The following NYAP2 variants were observed in gnomAD, a reference collection of about 807,000 sequenced individuals.
NYAP2 encodes the protein neuronal tyrosine-phosphorylated phosphoinositide-3-kinase adaptor 2, also known as neuronal tyrosine-phosphorylated phosphoinositide-3-kinase adapter 2.
Under a neutral mutation model 50.4 loss-of-function variants are expected in NYAP2, and 23 were observed. That is an observed-to-expected ratio of 0.46 (90% CI 0.33 to 0.65). The LOEUF (loss-of-function observed/expected upper bound fraction) is 0.65, where lower values mean the gene tolerates loss of function less well. Ranked by LOEUF, NYAP2 falls within the 30% of genes least tolerant of loss-of-function variation. NYAP2 has a pLI of 0.02. For missense variants in NYAP2, 885 were observed against 861.0 expected, an observed-to-expected ratio of 1.03 and a Z score of -0.35; for synonymous variants, 394 against 365.2, an observed-to-expected ratio of 1.08 and a Z score of -0.90.
chr2:225,681,011 T>C, the NYAP2 span, among the ~76,000 whole-genome samples: 2 of 152,208 alleles, frequency 1.3e-5, no homozygotes, highest in Admixed American at 6.5e-5. Flanking sequence ...TGTGTGGCAT[T>C]TTACATTTGT....
intron 4 of NYAP2, among the ~76,000 whole-genome samples, chr2:225,523,724 A>T (rs887780348): frequency 1.2e-4 from 19 of 152,116 alleles, no homozygotes; most frequent in African/African-American, 4.1e-4. Context: ...TAAAATTCAC[A>T]TGAAACCAAA....
chr2:225,425,989 C>G (rs13015496), intron 3 of NYAP2, among the ~76,000 whole-genome samples: 124,808 of 151,990 alleles, frequency 0.82, 51,547 homozygotes, highest in African/African-American at 0.88. Flanking sequence ...AGGGTAAGCT[C>G]AAGTTTAAAT....
chr2:225,584,543 C>T (rs1178947070), intron 5 of NYAP2, among the ~76,000 whole-genome samples: 2 of 152,282 alleles, frequency 1.3e-5, no homozygotes, highest in Non-Finnish European at 2.9e-5. Flanking sequence ...TCAAGTAATC[C>T]CTCCATGTGA....
intron 4 of NYAP2, 69 bp downstream of exon 4, chr2:225,513,741 G>GTGAAGAAGGCACTTGCCCCT: frequency 7.8e-7 from 1 of 1,277,398 alleles, no homozygotes; most frequent in Non-Finnish European, 1.0e-6. Flanking sequence ...AGCATGCCCA[G>GTGAAGAAGGCACTTGCCCCT]GGGCAAGTGC....
the NYAP2 span, among the ~76,000 whole-genome samples, chr2:225,662,441 A>G: frequency 6.6e-6 from 1 of 152,224 alleles, no homozygotes; most frequent in East Asian, 1.9e-4. Context: ...ACTGTTGTAG[A>G]TTTAACCAAC....
At chr2:225,606,018 T>C (rs1198080208) in intron 5 of NYAP2, among the ~76,000 whole-genome samples, 5 of 152,140 alleles carry the variant, frequency 3.3e-5, no homozygotes, top group South Asian at 2.1e-4. Context: ...TTTTGAAAGA[T>C]CCCATTTCTA....
intron 3 of NYAP2, among the ~76,000 whole-genome samples, chr2:225,418,880 T>C (rs71429159): frequency 6.6e-6 from 1 of 152,218 alleles, no homozygotes; most frequent in East Asian, 1.9e-4. Flanking sequence ...TTTTTGTTAT[T>C]GTATGTGTGT....
At chr2:225,611,383 G>A (rs958130241) in intron 5 of NYAP2, among the ~76,000 whole-genome samples, 2 of 151,976 alleles carry the variant, frequency 1.3e-5, no homozygotes, top group African/African-American at 4.8e-5. Context: ...TTCAGAAGGA[G>A]GCCCCGTATA....
chr2:225,513,340 T>C (rs769545602), intron 3 of NYAP2, 31 bp from the exon 4 acceptor site: 1 of 1,610,192 alleles, frequency 6.2e-7, no homozygotes, highest in East Asian at 2.2e-5. Context: ...TCCTTTTGTC[T>C]TCATGGTTTT....
At chr2:225,598,154 C>A (rs897682553) in intron 5 of NYAP2, among the ~76,000 whole-genome samples, 1 of 151,986 alleles carries the variant, frequency 6.6e-6, no homozygotes, top group Non-Finnish European at 1.5e-5. Context: ...AGTACCCTTG[C>A]GCCATAAAGA....
At chr2:225,665,837 A>G in the NYAP2 span, among the ~76,000 whole-genome samples, 4 of 145,650 alleles carry the variant, frequency 2.7e-5, no homozygotes, top group South Asian at 4.4e-4. Flanking sequence ...AAAAAAAAAA[A>G]GCCCACCACC....
intron 3 of NYAP2, among the ~76,000 whole-genome samples, chr2:225,509,879 T>C (rs1367589): frequency 7.7e-4 from 117 of 152,300 alleles, no homozygotes; most frequent in African/African-American, 2.6e-3. Context: ...GGAATATGCA[T>C]CCCCATATAT....
intron 5 of NYAP2, among the ~76,000 whole-genome samples, chr2:225,606,685 G>C (rs1175884420): frequency 6.6e-6 from 1 of 152,130 alleles, no homozygotes; most frequent in East Asian, 1.9e-4. Flanking sequence ...AGAAGGAAAA[G>C]TTAATTTGAA....
At chr2:225,620,684 C>A (rs1419475783) in intron 5 of NYAP2, among the ~76,000 whole-genome samples, 1 of 151,994 alleles carries the variant, frequency 6.6e-6, no homozygotes, top group Non-Finnish European at 1.5e-5. Context: ...AATACACCTG[C>A]CTAAAATTTA....
intron 3 of NYAP2, among the ~76,000 whole-genome samples, chr2:225,479,993 G>C (rs1690178953): frequency 6.6e-6 from 1 of 152,010 alleles, no homozygotes; most frequent in African/African-American, 2.4e-5. Context: ...CTTGTCTACT[G>C]ACGTCACTGG....
chr2:225,486,039 C>T (rs1690293056), intron 3 of NYAP2, among the ~76,000 whole-genome samples: 1 of 152,170 alleles, frequency 6.6e-6, no homozygotes, highest in Admixed American at 6.5e-5. Context: ...CTCCTACCCC[C>T]ATTTGGTTGA....
At chr2:225,632,980 G>A (rs1329284943) in intron 6 of NYAP2, among the ~76,000 whole-genome samples, 1 of 152,112 alleles carries the variant, frequency 6.6e-6, no homozygotes, top group Non-Finnish European at 1.5e-5. Context: ...ATCATTCAGA[G>A]AACAATTAAT....
exon 7 of NYAP2, chr2:225,653,827 G>A (rs533123144): frequency 6.6e-6 from 1 of 152,170 alleles, no homozygotes. Flanking sequence ...AGACCATCCT[G>A]GCTAACACGG....
chr2:225,562,733 C>T (rs887407870), intron 4 of NYAP2, among the ~76,000 whole-genome samples: 1 of 152,128 alleles, frequency 6.6e-6, no homozygotes, highest in African/African-American at 2.4e-5. Flanking sequence ...GACACCACCC[C>T]AAACCTCGCT....
Sources: allele counts gnomAD v4.1 joint callset (sites outside exome capture counted in the v4.1 genomes callset), GRCh38; gene constraint gnomAD v4.1.1; transcripts MANE v1.5; gene names NCBI Gene and HGNC (gene_info 2026-07-23, HGNC 2026-07-21).